PREP: variants seen among roughly 807,000 people sequenced by gnomAD.
PREP encodes the protein dJ355L5.1 (prolyl endopeptidase).
A neutral mutation model predicts 87.6 loss-of-function variants in PREP; 29 were observed. The ratio of observed to expected loss-of-function variants is 0.33; its 90% CI spans 0.25 to 0.45. The LOEUF (loss-of-function observed/expected upper bound fraction) is 0.45. Ranked by LOEUF, PREP falls within the 20% of genes least tolerant of loss-of-function variation. The probability of loss-of-function intolerance (pLI) is 1.00; values close to 1 mark genes in which losing one functional copy is unlikely to be tolerated. For missense variants in PREP, 695 were observed against 886.5 expected (o/e 0.78, Z 2.74); for synonymous variants, 337 against 328.6 (o/e 1.03, Z -0.28).
At chr6:105,295,311 C>T (rs1392923051) in intron 10 of PREP, among the ~76,000 whole-genome samples, 1 of 152,030 alleles carries the variant, frequency 6.6e-6, no homozygotes, top group African/African-American at 2.4e-5. Context: ...GGAGGATCGC[C>T]CTGTCTTGAT....
chr6:105,370,209 C>T (rs1367568663), intron 5 of PREP, among the ~76,000 whole-genome samples: 1 of 149,766 alleles, frequency 6.7e-6, no homozygotes, highest in Non-Finnish European at 1.5e-5. Context: ...GAGATTACGC[C>T]ACTGCACTCC....
At chr6:105,345,685 C>G (rs945640098) in intron 7 of PREP, among the ~76,000 whole-genome samples, 11 of 152,198 alleles carry the variant, frequency 7.2e-5, no homozygotes, top group Non-Finnish European at 1.5e-4. Context: ...TGAATGACTT[C>G]CTTCTGTCTC....
chr6:105,336,771 T>G (rs1167845163), intron 7 of PREP, among the ~76,000 whole-genome samples: 6 of 152,214 alleles, frequency 3.9e-5, no homozygotes, highest in Non-Finnish European at 8.8e-5. Flanking sequence ...ATCTGTAGTT[T>G]ATCATTTTTG....
intron 7 of PREP, among the ~76,000 whole-genome samples, chr6:105,346,426 T>C (rs922171869): frequency 1.3e-5 from 2 of 152,224 alleles, no homozygotes; most frequent in Non-Finnish European, 2.9e-5. Flanking sequence ...TAATTCCTAA[T>C]GCAGGAAAAA....
intron 4 of PREP, among the ~76,000 whole-genome samples, chr6:105,374,908 A>T (rs1401097982): frequency 6.6e-6 from 1 of 152,016 alleles, no homozygotes; most frequent in Non-Finnish European, 1.5e-5. Context: ...CATTCCATAA[A>T]GAAGTCACTA....
chr6:105,344,491 C>CAAAA (rs35275950), intron 7 of PREP, among the ~76,000 whole-genome samples: 1 of 103,400 alleles, frequency 9.7e-6, no homozygotes. Flanking sequence ...GACTCCGTCT[C>CAAAA]AAAAAAAAAA....
At chr6:105,338,114 C>T (rs1385079678) in intron 7 of PREP, among the ~76,000 whole-genome samples, 2 of 152,126 alleles carry the variant, frequency 1.3e-5, no homozygotes, top group Non-Finnish European at 2.9e-5. Context: ...AACAATGAAA[C>T]AATTTTCTGG....
rs139347639 is a variant in PREP, at chr6:105,352,927, T to C, written c.823+45A>G. 4.9e-5 allele frequency: 74 copies of C among 1,495,894 alleles called. No homozygotes were observed. The East Asian group carries it at 1.7e-3, about 34-fold the overall frequency. 92.7% of individuals were successfully genotyped at this position (1,495,894 alleles called of 1,614,324 possible). On this transcript the variant is annotated intron_variant, in intron 7 of 14. Coordinates refer to ENST00000652536, the MANE Select transcript of PREP (RefSeq NM_002726.5). ...ATAGACCACAATAATACTTTTTAAA[T>C]GAAGTTTCTTGGAATAACTATCTGT...
intron 10 of PREP, among the ~76,000 whole-genome samples, chr6:105,320,482 C>T (rs1307876147): frequency 2.0e-5 from 3 of 152,184 alleles, no homozygotes; most frequent in Admixed American, 6.5e-5. Flanking sequence ...ACAGATCACA[C>T]AAAGAGGAGC....
intron 1 of PREP, among the ~76,000 whole-genome samples, chr6:105,399,519 A>G (rs1773369210): frequency 6.6e-6 from 1 of 152,202 alleles, no homozygotes; most frequent in Non-Finnish European, 1.5e-5. Context: ...GGACGTAAAA[A>G]CAAGAGCAAG....
At chr6:105,298,822 G>A (rs948403902) in intron 10 of PREP, 3 of 152,526 alleles carry the variant, frequency 2.0e-5, no homozygotes, top group African/African-American at 7.2e-5. Context: ...AATGTCTGGG[G>A]TCATAAATCT....
chr6:105,325,098 C>G (rs764975732), intron 9 of PREP, among the ~76,000 whole-genome samples: 1 of 152,044 alleles, frequency 6.6e-6, no homozygotes, highest in Non-Finnish European at 1.5e-5. Flanking sequence ...TAAATGTAAT[C>G]TTGGGGTAAA....
chr6:105,377,181 C>G (rs531358423), intron 3 of PREP, among the ~76,000 whole-genome samples: 6 of 152,228 alleles, frequency 3.9e-5, no homozygotes, highest in African/African-American at 1.4e-4. Context: ...ATGACCTATC[C>G]CTACTAAATT....
At chr6:105,368,696 TA>T (rs1772458427) in intron 6 of PREP, among the ~76,000 whole-genome samples, 1 of 152,230 alleles carries the variant, frequency 6.6e-6, no homozygotes, top group African/African-American at 2.4e-5. Context: ...GTATTACTTT[TA>T]ATATTAAGAG....
In PREP at chr6:105,278,550, GACC is replaced by G; in HGVS notation, c.1839-115_1839-113del. The stretch of plus-strand genomic sequence containing the variant: ...GACTGCAGTTAACTAGTACGTGAGT[GACC>G]ACCATGGACTGTGCCTATGCGTTAC... On this transcript the variant is annotated intron_variant, in intron 14 of 14. Transcript: ENST00000652536. This position sits in a 1 kb window ranked among gnomAD's most constrained non-coding sequence, Gnocchi z 4.2. The G allele has an allele frequency of 9.2e-7, 1 of 1,081,942 alleles. No individual in the cohort carries two copies. The highest frequency in any genetic ancestry group is 1.3e-6 in the Non-Finnish European group (1 of 757,156). The allele number at this position is 1,081,942 out of a possible 1,614,324, so 67.0% of individuals were successfully genotyped here.
At chr6:105,347,732 G>A (rs1440042557) in intron 7 of PREP, among the ~76,000 whole-genome samples, 1 of 151,996 alleles carries the variant, frequency 6.6e-6, no homozygotes, top group Non-Finnish European at 1.5e-5. Context: ...TAAAAATAAG[G>A]CCAGACACAG....
intron 10 of PREP, among the ~76,000 whole-genome samples, chr6:105,310,203 T>C (rs1242213992): frequency 6.6e-6 from 1 of 152,256 alleles, no homozygotes; most frequent in African/African-American, 2.4e-5. Flanking sequence ...CCAGGGATTG[T>C]ATTTTTCTTA....
At chr6:105,400,970 A>G (rs1773413923) in intron 1 of PREP, among the ~76,000 whole-genome samples, 1 of 151,828 alleles carries the variant, frequency 6.6e-6, no homozygotes, top group African/African-American at 2.4e-5. Flanking sequence ...CCTTAATGCA[A>G]AAAAAAAGAT....
chr6:105,351,382 T>C (rs1219627380), intron 7 of PREP, among the ~76,000 whole-genome samples: 2 of 152,236 alleles, frequency 1.3e-5, no homozygotes, highest in East Asian at 3.9e-4. Flanking sequence ...ATTTGGTTTT[T>C]GAGAGCCTAG....
Sources: allele counts gnomAD v4.1 joint callset (sites outside exome capture counted in the v4.1 genomes callset), GRCh38; gene constraint gnomAD v4.1.1; non-coding constraint Gnocchi (gnomAD v3.1); transcripts MANE v1.5; gene names NCBI Gene and HGNC (gene_info 2026-07-23, HGNC 2026-07-21).